The following ERBB4 variants were observed in gnomAD, a reference collection of about 807,000 sequenced individuals.
ERBB4 encodes receptor tyrosine-protein kinase erbB-4.
Under a neutral mutation model 158.0 loss-of-function variants are expected in ERBB4, and 42 were observed. The ratio of observed to expected loss-of-function variants is 0.27; its 90% CI spans 0.21 to 0.34. ERBB4 has a LOEUF of 0.34. Among genes scored for constraint, ERBB4 ranks in the 10% least tolerant of loss-of-function variants. The pLI, the probability that ERBB4 is intolerant of heterozygous loss-of-function variation, is 1.00. For missense variants in ERBB4, 1,333 were observed against 1,624.1 expected (o/e 0.82, Z 3.08); for synonymous variants, 583 against 558.7 (o/e 1.04, Z -0.61).
At chr2:212,520,325 T>C (rs1057046704) in intron 1 of ERBB4, among the ~76,000 whole-genome samples, 1 of 151,968 alleles carries the variant, frequency 6.6e-6, no homozygotes, top group African/African-American at 2.4e-5. Flanking sequence ...CCCAGTCTAG[T>C]TCAATGCCTG....
chr2:211,454,761 C>A (rs1044828483), intron 20 of ERBB4, among the ~76,000 whole-genome samples: 1 of 152,156 alleles, frequency 6.6e-6, no homozygotes, highest in African/African-American at 2.4e-5. Flanking sequence ...AAGAGAGAAC[C>A]ATGAGAGCTC....
At chr2:211,767,670 C>T (rs1185938029) in intron 4 of ERBB4, among the ~76,000 whole-genome samples, 1 of 152,064 alleles carries the variant, frequency 6.6e-6, no homozygotes, top group Admixed American at 6.6e-5. Flanking sequence ...AGGAGAAAAG[C>T]CCCTTATAAA....
intron 1 of ERBB4, among the ~76,000 whole-genome samples, chr2:212,216,849 T>C (rs1289911089): frequency 6.6e-6 from 1 of 151,382 alleles, no homozygotes; most frequent in East Asian, 1.9e-4. Context: ...CTTCAGTTTT[T>C]CACACAAGGA....
chr2:212,038,648 G>A (rs745997986), intron 2 of ERBB4, among the ~76,000 whole-genome samples: 8 of 151,998 alleles, frequency 5.3e-5, no homozygotes, highest in Non-Finnish European at 7.4e-5. Context: ...CCACTGAATT[G>A]TTAAAGCTTC....
At chr2:212,136,673 G>C (rs1172100091) in intron 1 of ERBB4, among the ~76,000 whole-genome samples, 1 of 152,170 alleles carries the variant, frequency 6.6e-6, no homozygotes, top group African/African-American at 2.4e-5. Flanking sequence ...ATTGTAAACA[G>C]AAGCTCTGGT....
chr2:211,494,717 T>C (rs2125578823), intron 20 of ERBB4, among the ~76,000 whole-genome samples: 1 of 152,284 alleles, frequency 6.6e-6, no homozygotes, highest in Non-Finnish European at 1.5e-5. Flanking sequence ...TTTCAATCAC[T>C]TGTTAGTTTA....
chr2:211,879,793 A>G (rs1052851096), intron 3 of ERBB4, among the ~76,000 whole-genome samples: 1 of 152,086 alleles, frequency 6.6e-6, no homozygotes, highest in Non-Finnish European at 1.5e-5. Flanking sequence ...ACACAAAGAA[A>G]TATCAATCAT....
At chr2:212,139,134 A>G (rs749932686) in intron 1 of ERBB4, among the ~76,000 whole-genome samples, 10 of 152,152 alleles carry the variant, frequency 6.6e-5, no homozygotes, top group Non-Finnish European at 1.5e-4. Context: ...AAAATCTATG[A>G]TAAGATATTG....
chr2:211,619,139 A>T, intron 19 of ERBB4, 38 bp downstream of exon 19: 1 of 1,216,650 alleles, frequency 8.2e-7, no homozygotes, highest in Non-Finnish European at 1.2e-6. Context: ...CTATTTGATA[A>T]TGGAGAAAAA....
intron 4 of ERBB4, among the ~76,000 whole-genome samples, chr2:211,773,647 T>TATATATAA (rs1559506512): frequency 1.3e-5 from 1 of 77,436 alleles, no homozygotes; most frequent in South Asian, 5.7e-4. Flanking sequence ...TATATATATA[T>TATATATAA]AATATATATA....
chr2:212,201,236 C>A (rs1216810554), intron 1 of ERBB4, among the ~76,000 whole-genome samples: 1 of 152,054 alleles, frequency 6.6e-6, no homozygotes, highest in Non-Finnish European at 1.5e-5. Flanking sequence ...TAGCATGCAA[C>A]CATAACTATG....
At chr2:211,657,228 G>C (rs2071248768) in intron 16 of ERBB4, among the ~76,000 whole-genome samples, 1 of 151,938 alleles carries the variant, frequency 6.6e-6, no homozygotes, top group South Asian at 2.1e-4. Flanking sequence ...AAAAATCGAG[G>C]CCGGGCACAG....
intron 13 of ERBB4, 78 bp downstream of exon 13, chr2:211,678,966 CAAAAAAAA>C (rs71054127): frequency 2.1e-4 from 107 of 508,668 alleles, no homozygotes; most frequent in Non-Finnish European, 3.0e-4. Context: ...GACTCCGTCT[CAAAAAAAA>C]AAAAAAAAAA....
intron 1 of ERBB4, among the ~76,000 whole-genome samples, chr2:212,516,597 T>G (rs959104029): frequency 6.6e-6 from 1 of 152,104 alleles, no homozygotes; most frequent in Non-Finnish European, 1.5e-5. Flanking sequence ...AGAGCTAACG[T>G]TAAAATGTAT....
At chr2:212,020,988 A>G (rs1249381027) in intron 2 of ERBB4, among the ~76,000 whole-genome samples, 1 of 152,166 alleles carries the variant, frequency 6.6e-6, no homozygotes, top group African/African-American at 2.4e-5. Flanking sequence ...TAATGTATTT[A>G]TGGATTACAT....
chr2:211,951,947 A>T (rs2080885747), intron 2 of ERBB4, among the ~76,000 whole-genome samples: 1 of 152,072 alleles, frequency 6.6e-6, no homozygotes, highest in African/African-American at 2.4e-5. Context: ...GATAGTGAAG[A>T]TCCTATTTAT....
intron 1 of ERBB4, among the ~76,000 whole-genome samples, chr2:212,529,869 C>A (rs1156407029): frequency 6.6e-6 from 1 of 151,966 alleles, no homozygotes; most frequent in Middle Eastern, 3.2e-3. Flanking sequence ...AGTAAAAGCA[C>A]CAAGTAAGCC....
At chr2:212,456,668 G>A (rs1032304200) in intron 1 of ERBB4, among the ~76,000 whole-genome samples, 16 of 151,736 alleles carry the variant, frequency 1.1e-4, no homozygotes, top group Admixed American at 9.2e-4. Flanking sequence ...TAAAATAACA[G>A]AAAAAGTATA....
At chr2:211,477,817 C>CTT (rs1287490714) in intron 20 of ERBB4, among the ~76,000 whole-genome samples, 1 of 152,096 alleles carries the variant, frequency 6.6e-6, no homozygotes, top group African/African-American at 2.4e-5. Flanking sequence ...TAACAGTTCT[C>CTT]TTTGCCTTTG....
Sources: gnomAD v4.1 joint callset for allele counts (sites outside exome capture counted in the v4.1 genomes callset) on GRCh38, gnomAD v4.1.1 for gene constraint, MANE v1.5 for transcripts, NCBI Gene and HGNC (gene_info 2026-07-23, HGNC 2026-07-21) for gene names.